PTRH1: variants seen among roughly 807,000 people sequenced by gnomAD.
The protein encoded by PTRH1 is peptidyl-tRNA hydrolase 1 homolog, also known as peptidyl-tRNA hydrolase.
Under a neutral mutation model 15.7 loss-of-function variants are expected in PTRH1, and 13 were observed. The ratio of observed to expected loss-of-function variants is 0.83; its 90% CI spans 0.54 to 1.31. PTRH1 has a LOEUF of 1.31. PTRH1 is among the 40% of genes most tolerant of loss of function. The pLI is 0.00. For missense variants in PTRH1, 319 were observed against 296.2 expected, an observed-to-expected ratio of 1.08 and a Z score of -0.56; for synonymous variants, 139 against 136.7, an observed-to-expected ratio of 1.02 and a Z score of -0.12.
downstream of PTRH1, chr9:127,710,599 A>G (rs1403470017): frequency 6.3e-7 from 1 of 1,578,476 alleles, no homozygotes; most frequent in Non-Finnish European, 8.6e-7. Flanking sequence ...TGTGGCGGCC[A>G]GGGGGGAAGC....
At chr9:127,702,731 A>G (rs1842613375) in intron 1 of PTRH1, among the ~76,000 whole-genome samples, 1 of 149,358 alleles carries the variant, frequency 6.7e-6, no homozygotes, top group Non-Finnish European at 1.5e-5. Flanking sequence ...TTTTTTCTTG[A>G]GAGAGTGTCT....
rs1284691134 is a variant in PTRH1, at chr9:127,714,345, C to A, written c.462+34G>T. The A allele has an allele frequency of 4.3e-6, 7 of 1,614,050 alleles. No individual in the cohort carries two copies. In the East Asian group the frequency reaches 1.6e-4, roughly 36 times the overall value. On this transcript the variant is annotated intron_variant, in intron 4 of 4. Coordinates refer to ENST00000543175, the MANE Select transcript of PTRH1 (RefSeq NM_001002913.3). Reference sequence around the variant, plus strand: ...AGGTGCTGGGGGACCCCTGGCCCACCCGACCCAGTTGCACAACAAAAGGGT... The same window carrying A: ...AGGTGCTGGGGGACCCCTGGCCCACACGACCCAGTTGCACAACAAAAGGGT...
rs1842888346 is a variant in PTRH1 at position 127,714,772 on chromosome 9, G to A, written c.317-70C>T. On this transcript the variant is annotated intron_variant, in intron 2 of 4. Coordinates refer to ENST00000543175, the MANE Select transcript of PTRH1 (RefSeq NM_001002913.3). ...AGAGAGGCACTGTCCCGACTCCCAT[G>A]ATGAGGGACCACAACTAATCCCACT... The A allele has an allele frequency of 3.0e-6, 4 of 1,327,584 alleles. No homozygotes were observed. The East Asian group carries it at 1.0e-4, about 33-fold the overall frequency. 82.2% of individuals were successfully genotyped at this position (1,327,584 alleles called of 1,614,324 possible).
chr9:127,708,828 C>G (rs149590307), downstream of PTRH1, among the ~76,000 whole-genome samples: 1 of 152,288 alleles, frequency 6.6e-6, no homozygotes, highest in Non-Finnish European at 1.5e-5. Context: ...GAGAAAACAC[C>G]AAGGTTACTG....
At position 127,715,287 on chromosome 9, in the gene PTRH1, C is replaced by T. The variant is rs528222110; in HGVS notation, c.97-93G>A. The stretch of plus-strand genomic sequence containing the variant: ...GGGCCCCAACGCAGAGGAGCGGAAA[C>T]GCAGAGCAACGCTGCAGTGGGGAAG... On this transcript the variant is annotated intron_variant, in intron 1 of 4. Transcript: ENST00000543175. The surrounding 1 kb of genome is among the most constrained non-coding windows in gnomAD (Gnocchi z 5.8). 1.5e-5 allele frequency: 21 copies of T among 1,391,652 alleles called. No homozygotes were observed. The South Asian group carries it at 2.5e-4, about 16-fold the overall frequency. 86.2% of individuals were successfully genotyped at this position (1,391,652 alleles called of 1,614,324 possible). A position where few individuals can be genotyped will look rare whatever the true frequency, so the allele number is the denominator to read the frequency against.
intron 1 of PTRH1, among the ~76,000 whole-genome samples, chr9:127,698,308 A>C (rs1253123968): frequency 6.6e-6 from 1 of 152,230 alleles, no homozygotes; most frequent in African/African-American, 2.4e-5. Flanking sequence ...AAATTATACA[A>C]ATGGCAAATA....
rs975957180 is a variant in PTRH1, at chr9:127,713,861, C to T, written c.*239G>A. ...GCGTGCCCCTGGTTCTCTAAAAAGG[C>T]TTGAAAAGTTTAGTCTTCCTGAAGT... On this transcript the variant is annotated 3_prime_UTR_variant, in exon 5 of 5. Coordinates refer to ENST00000543175, the MANE Select transcript of PTRH1 (RefSeq NM_001002913.3). 1.2e-6 allele frequency: 2 copies of T among 1,613,798 alleles called. No individual in the cohort carries two copies. The highest frequency in any genetic ancestry group is 1.3e-5 in the African/African-American group (1 of 74,914).
At chr9:127,712,640 G>A (rs879122041), downstream of PTRH1, 5 of 1,612,490 alleles carry the variant, frequency 3.1e-6, no homozygotes, top group South Asian at 3.3e-5. Flanking sequence ...CACTGAGGTT[G>A]GAATTTCCTG....
In PTRH1 at chr9:127,715,156, T is replaced by A. The variant is rs758840052; in HGVS notation, c.135A>T (p.Arg45=). The A allele has an allele frequency of 6.5e-6, 10 of 1,534,996 alleles. No individual in the cohort carries two copies. The highest frequency in any genetic ancestry group is 1.7e-4 in the Middle Eastern group (1 of 5,878). The change falls in exon 2 of 5, where the codon CGA becomes CGT. Residue 45 remains arginine (R), a synonymous_variant. Coordinates refer to ENST00000543175, the MANE Select transcript of PTRH1 (RefSeq NM_001002913.3). The surrounding 1 kb of genome is among the most constrained non-coding windows in gnomAD (Gnocchi z 5.8). ...CCAGCACCGCCATGCCCACGCTGTG[T>A]CGCGTGCCGGGCAGTCCGGGATTCC... The part of the protein sequence containing the change: ...GLGNPGLPGT[R]HSVGMAVLGQ...
chr9:127,701,311 C>T (rs1255642160), intron 1 of PTRH1, among the ~76,000 whole-genome samples: 3 of 152,128 alleles, frequency 2.0e-5, no homozygotes, highest in Non-Finnish European at 4.4e-5. Flanking sequence ...AGTACCAAAT[C>T]ACAGGTGTAA....
At chr9:127,710,775 T>C (rs1391465694), downstream of PTRH1, 13 of 1,554,164 alleles carry the variant, frequency 8.4e-6, no homozygotes, top group East Asian at 2.4e-5. Context: ...GGGGCACCCT[T>C]TGGGGCCTTT....
chr9:127,714,888 T>A, intron 2 of PTRH1, 87 bp downstream of exon 2: 1 of 1,044,408 alleles, frequency 9.6e-7, no homozygotes, highest in Non-Finnish European at 1.4e-6. Flanking sequence ...CCCGCGGATC[T>A]GTCACAGCCA....
Position 127,714,377 on chromosome 9 carries a change from A to G in PTRH1, c.462+2T>C. On this transcript the variant is annotated splice_donor_variant, in intron 4 of 4. Coordinates refer to ENST00000543175, the MANE Select transcript of PTRH1 (RefSeq NM_001002913.3). LOFTEE classifies it high-confidence loss of function. ...AGTTGCACAACAAAAGGGTAGACTC[A>G]CATTGGAGTTGAGGCAGCTAATGCA... The G allele has an allele frequency of 6.2e-7, 1 of 1,614,196 alleles. No homozygotes were observed. Among genetic ancestry groups the G allele is most frequent in the South Asian group, 1.1e-5 (1 of 91,090 alleles).
At chr9:127,714,917 CG>C (rs2131599907) in intron 2 of PTRH1, 57 bp downstream of exon 2, 5 of 799,020 alleles carry the variant, frequency 6.3e-6, no homozygotes, top group South Asian at 1.8e-5. Context: ...CTCTGGCCCC[CG>C]CGCCCCAACC....
At chr9:127,709,656 G>C (rs1842719049), downstream of PTRH1, 1 of 1,613,616 alleles carries the variant, frequency 6.2e-7, no homozygotes, top group African/African-American at 1.3e-5. This position sits in a 1 kb window ranked among gnomAD's most constrained non-coding sequence, Gnocchi z 4.7. Flanking sequence ...AGTTCCAGGA[G>C]ACCAAGGACC....
rs552146423 is a variant in PTRH1, at chr9:127,708,776, A to G, written c.205+6659T>C. 5.0e-4 allele frequency among the ~76,000 whole-genome samples: 76 copies of G among 152,360 alleles called. 1 individual carries two copies. Among genetic ancestry groups the G allele is most frequent in the South Asian group, 3.1e-3 (15 of 4,834 alleles). On this transcript the variant is annotated intron_variant, in intron 1 of 2. Transcript: ENST00000335223. The stretch of plus-strand genomic sequence containing the variant: ...GCCAACTTACAGGAGCACCAAAGAG[A>G]GGGCCACAAATGTGGCTCAGGGCCA...
At chr9:127,706,351 G>A (rs1842647923) in intron 1 of PTRH1, among the ~76,000 whole-genome samples, 1 of 152,182 alleles carries the variant, frequency 6.6e-6, no homozygotes, top group South Asian at 2.1e-4. Flanking sequence ...CACATTTGCT[G>A]AAGTACCACT....
downstream of PTRH1, chr9:127,712,714 C>T: frequency 2.5e-6 from 4 of 1,614,174 alleles, no homozygotes; most frequent in South Asian, 1.1e-5. Flanking sequence ...AACAGATGCA[C>T]CGCGATGAAG....
intron 1 of PTRH1, among the ~76,000 whole-genome samples, chr9:127,699,189 G>T (rs561639590): frequency 8.1e-4 from 124 of 152,270 alleles, no homozygotes; most frequent in Middle Eastern, 3.4e-3. Flanking sequence ...GCCGACCAAG[G>T]ACAACTTCTT....
Sources: gnomAD v4.1 joint callset for allele counts (sites outside exome capture counted in the v4.1 genomes callset) on GRCh38, gnomAD v4.1.1 for gene constraint, Gnocchi (gnomAD v3.1) non-coding constraint, MANE v1.5 for transcripts, NCBI Gene and HGNC (gene_info 2026-07-23, HGNC 2026-07-21) for gene names.